Variants in ST6GAL1 observed in about 807,000 individuals in gnomAD.
The protein encoded by ST6GAL1 is ST6 beta-galactoside alpha-2,6-sialyltransferase 1.
Under a neutral mutation model 38.0 loss-of-function variants are expected in ST6GAL1, and 20 were observed. That is an observed-to-expected ratio of 0.53 (90% CI 0.37 to 0.77). The LOEUF (loss-of-function observed/expected upper bound fraction) is 0.77, where lower values mean the gene tolerates loss of function less well. Among genes scored for constraint, ST6GAL1 ranks in the 30% least tolerant of loss-of-function variants. The probability of loss-of-function intolerance (pLI) is 0.00; values close to 1 mark genes in which losing one functional copy is unlikely to be tolerated. For synonymous variants in ST6GAL1, 196 were observed against 188.2 expected, an observed-to-expected ratio of 1.04 and a Z score of -0.34; for missense variants, 432 against 496.4, an observed-to-expected ratio of 0.87 and a Z score of 1.23.
chr3:187,000,496 A>C (rs1716582290), intron 2 of ST6GAL1, among the ~76,000 whole-genome samples: 1 of 152,090 alleles, frequency 6.6e-6, no homozygotes, highest in Admixed American at 6.5e-5. Flanking sequence ...CGGGAGGCCG[A>C]GGTGGCAGTG....
intron 2 of ST6GAL1, among the ~76,000 whole-genome samples, chr3:187,025,116 A>G (rs575457929): frequency 6.6e-6 from 1 of 151,986 alleles, no homozygotes; most frequent in African/African-American, 2.4e-5. Context: ...GTACGTAGGT[A>G]ATTCTCGATG....
Position 186,963,672 on chromosome 3 carries a change from T to C in ST6GAL1, c.-324-113T>C, listed in dbSNP as rs1271634254. On this transcript the variant is annotated intron_variant, in intron 1 of 7. Coordinates refer to ENST00000169298, the MANE Select transcript of ST6GAL1 (RefSeq NM_173216.2). ...CTCGTTTAGGTCCTGGAAAGGAGGCTGGCTGCCCCGGAGCTGGCAGTGGGA... is the reference window on the plus strand; with the variant it reads ...CTCGTTTAGGTCCTGGAAAGGAGGCCGGCTGCCCCGGAGCTGGCAGTGGGA... 6 of 152,302 alleles carry C rather than the reference T, an allele frequency of 3.9e-5. No homozygotes were observed. In the South Asian group the frequency reaches 1.0e-3, roughly 26 times the overall value. 9.4% of individuals were successfully genotyped at this position (152,302 alleles called of 1,614,324 possible). A position where few individuals can be genotyped will look rare whatever the true frequency, so the allele number is the denominator to read the frequency against.
intron 2 of ST6GAL1, among the ~76,000 whole-genome samples, chr3:187,004,809 T>C (rs1716728682): frequency 6.6e-6 from 1 of 152,234 alleles, no homozygotes; most frequent in African/African-American, 2.4e-5. Flanking sequence ...GAGAAATTGA[T>C]TGAAAATACT....
intron 2 of ST6GAL1, among the ~76,000 whole-genome samples, chr3:187,022,674 T>C (rs1417277110): frequency 6.6e-6 from 1 of 152,138 alleles, no homozygotes; most frequent in Non-Finnish European, 1.5e-5. Flanking sequence ...TCTCTGGAGA[T>C]GCACGTTTCC....
At chr3:187,009,954 G>A (rs921560409) in intron 2 of ST6GAL1, among the ~76,000 whole-genome samples, 1 of 151,584 alleles carries the variant, frequency 6.6e-6, no homozygotes, top group East Asian at 2.0e-4. Flanking sequence ...GCGGTGAGCC[G>A]AGATCACGCC....
chr3:186,931,140 T>A (rs35376159), intron 1 of ST6GAL1: 15,931 of 93,242 alleles, frequency 0.17, 912 homozygotes, highest in Non-Finnish European at 0.19. Context: ...CACGGCACCG[T>A]CAGTATGGGG....
chr3:186,951,054 TCC>T (rs776855045), intron 1 of ST6GAL1, among the ~76,000 whole-genome samples: 5,550 of 152,278 alleles, frequency 0.036, 145 homozygotes, highest in East Asian at 0.068. Context: ...TCCTGAATGG[TCC>T]CACTCTAATT....
At chr3:187,030,680 C>T (rs1327015726) in intron 2 of ST6GAL1, among the ~76,000 whole-genome samples, 2 of 152,118 alleles carry the variant, frequency 1.3e-5, no homozygotes, top group Admixed American at 6.6e-5. Context: ...GTGATCTGCC[C>T]GCCTTGGCCT....
At chr3:187,071,688 A>C (rs943905413) in intron 5 of ST6GAL1, among the ~76,000 whole-genome samples, 2 of 146,514 alleles carry the variant, frequency 1.4e-5, no homozygotes, top group Non-Finnish European at 3.0e-5. Flanking sequence ...TGAACCCGGG[A>C]GGCGGAGCCT....
chr3:186,956,979 T>G (rs1714768424), intron 1 of ST6GAL1, among the ~76,000 whole-genome samples: 1 of 152,104 alleles, frequency 6.6e-6, no homozygotes, highest in African/African-American at 2.4e-5. Context: ...CTAAGAGAGA[T>G]AAGAGAATAT....
At chr3:186,977,358 G>A (rs1343382133) in intron 2 of ST6GAL1, among the ~76,000 whole-genome samples, 1 of 152,166 alleles carries the variant, frequency 6.6e-6, no homozygotes, top group Non-Finnish European at 1.5e-5. Flanking sequence ...AGCTATTTTG[G>A]CTTCCTCTGC....
In ST6GAL1 at chr3:186,947,540, T is replaced by A. The variant is rs374223372; in HGVS notation, c.-324-16245T>A. ...TTTATAAGTAAGTCTATTTTATACA[T>A]TTACGTTTATGTTTAGATTGGTATT... is the stretch of plus-strand genomic sequence containing the variant. On this transcript the variant is annotated intron_variant, in intron 1 of 7. Coordinates refer to ENST00000169298, the MANE Select transcript of ST6GAL1 (RefSeq NM_173216.2). Among the ~76,000 whole-genome samples the A allele has an allele frequency of 2.6e-5, 4 of 152,306 alleles. No individual in the cohort carries two copies. The East Asian group carries it at 5.8e-4, about 22-fold the overall frequency.
chr3:186,937,770 GTGATTAAAATAT>G lies in ST6GAL1; in HGVS notation c.-325+6937_-325+6948del, dbSNP rs377180258. Among the ~76,000 whole-genome samples the G allele has an allele frequency of 1.0e-2, 1,517 of 152,238 alleles. 10 individuals are homozygous for G. Among genetic ancestry groups the G allele is most frequent in the South Asian group, 0.022 (104 of 4,826 alleles). ...ACTTTCTCTTATTGTAATTGACACT[GTGATTAAAATAT>G]CTGTGAAGAGCCAGGAGTGGTGGCT... On this transcript the variant is annotated intron_variant, in intron 1 of 7. Transcript: ENST00000169298.
At chr3:187,056,189 C>A (rs916180737) in intron 5 of ST6GAL1, among the ~76,000 whole-genome samples, 6 of 151,900 alleles carry the variant, frequency 3.9e-5, no homozygotes, top group African/African-American at 1.5e-4. Flanking sequence ...TTATTTTGAG[C>A]CTATGTGTGT....
intron 1 of ST6GAL1, among the ~76,000 whole-genome samples, chr3:186,935,304 C>T (rs1043524698): frequency 5.3e-5 from 8 of 152,152 alleles, no homozygotes; most frequent in Non-Finnish European, 1.0e-4. Flanking sequence ...TAATGACCTC[C>T]AGCTCCATCC....
intron 2 of ST6GAL1, among the ~76,000 whole-genome samples, chr3:187,030,285 T>C (rs1717698816): frequency 6.6e-6 from 1 of 152,128 alleles, no homozygotes; most frequent in Admixed American, 6.5e-5. Context: ...CATTGATGCA[T>C]GTGATGCTCT....
chr3:187,051,465 G>C, intron 5 of ST6GAL1, 119 bp downstream of exon 5: 1 of 826,776 alleles, frequency 1.2e-6, no homozygotes, highest in Non-Finnish European at 1.9e-6. Flanking sequence ...ATCTTCCTGA[G>C]TTCCTGATTC....
At chr3:187,002,418 A>C (rs1716650592) in intron 2 of ST6GAL1, among the ~76,000 whole-genome samples, 1 of 152,250 alleles carries the variant, frequency 6.6e-6, no homozygotes, top group Non-Finnish European at 1.5e-5. Flanking sequence ...ACCCTTGAGC[A>C]CAGCTCATTC....
intron 1 of ST6GAL1, chr3:186,948,898 A>C (rs1296206995): frequency 6.6e-6 from 1 of 152,164 alleles, no homozygotes; most frequent in Non-Finnish European, 1.5e-5. Context: ...GTCCTCATGG[A>C]ATGAGCTCAG....
Sources: gnomAD v4.1 joint callset for allele counts (sites outside exome capture counted in the v4.1 genomes callset) on GRCh38, gnomAD v4.1.1 for gene constraint, MANE v1.5 for transcripts, NCBI Gene and HGNC (gene_info 2026-07-23, HGNC 2026-07-21) for gene names.